GLI3: variants seen among roughly 807,000 people sequenced by gnomAD.
The protein encoded by GLI3 is transcription activator GLI3.
Under a neutral mutation model 100.8 loss-of-function variants are expected in GLI3, and 20 were observed. The ratio of observed to expected loss-of-function variants is 0.20; its 90% CI spans 0.14 to 0.29. GLI3 has a LOEUF of 0.29. Among genes scored for constraint, GLI3 ranks in the 10% least tolerant of loss-of-function variants. GLI3 has a pLI of 1.00. For missense variants in GLI3, 2,040 were observed against 2,128.5 expected (o/e 0.96, Z 0.82); for synonymous variants, 938 against 860.5 (o/e 1.09, Z -1.58).
At chr7:42,123,104 C>A (rs542628199) in intron 3 of GLI3, among the ~76,000 whole-genome samples, 1 of 152,174 alleles carries the variant, frequency 6.6e-6, no homozygotes, top group African/African-American at 2.4e-5. Flanking sequence ...ATTTCAAATG[C>A]GTATGTCTGA....
rs1562658195 is a variant in GLI3, at chr7:41,965,506, G to GC, written c.3566dup (p.Ala1190ArgfsTer57). Reference sequence around the variant, plus strand: ...CCATGCCGTTGCAGAACCCAAAGGCGCGAGTCTGCGGCACAGCGGGCCGCG... The same window carrying GC: ...CCATGCCGTTGCAGAACCCAAAGGCGCCGAGTCTGCGGCACAGCGGGCCGCG... On this transcript the variant is annotated frameshift_variant, in exon 15 of 15. Coordinates refer to ENST00000395925, the MANE Select transcript of GLI3 (RefSeq NM_000168.6). LOFTEE classifies it low-confidence loss of function (END_TRUNC). 1 of 1,607,424 alleles carries GC rather than the reference G, an allele frequency of 6.2e-7. No homozygotes were observed. Among genetic ancestry groups the GC allele is most frequent in the South Asian group, 1.1e-5 (1 of 90,978 alleles).
intron 3 of GLI3, among the ~76,000 whole-genome samples, chr7:42,095,003 TC>T (rs1274584087): frequency 6.6e-6 from 1 of 152,156 alleles, no homozygotes; most frequent in Non-Finnish European, 1.5e-5. Flanking sequence ...GAACCTCCTC[TC>T]CTTGAGGAAA....
chr7:42,247,553 G>A (rs1289803439), intron 1 of GLI3, among the ~76,000 whole-genome samples: 5 of 152,158 alleles, frequency 3.3e-5, no homozygotes, highest in East Asian at 1.9e-4. Flanking sequence ...TTCATTTTCC[G>A]GTCCACCACC....
intron 1 of GLI3, among the ~76,000 whole-genome samples, chr7:42,258,224 G>C (rs572181872): frequency 6.6e-6 from 1 of 152,234 alleles, no homozygotes; most frequent in Admixed American, 6.5e-5. Flanking sequence ...AGGATATCCA[G>C]GGCACCATTA....
intron 7 of GLI3, among the ~76,000 whole-genome samples, chr7:42,027,320 A>G (rs928814934): frequency 2.0e-5 from 3 of 152,212 alleles, no homozygotes. Context: ...TGAAAAACTA[A>G]TAATTGCATT....
intron 1 of GLI3, among the ~76,000 whole-genome samples, chr7:42,225,906 G>A (rs1229778555): frequency 6.6e-6 from 1 of 152,162 alleles, no homozygotes; most frequent in African/African-American, 2.4e-5. Context: ...TACTTTCCCA[G>A]CACTTAGTTC....
At chr7:42,177,658 A>G (rs1787507489) in intron 2 of GLI3, among the ~76,000 whole-genome samples, 1 of 152,196 alleles carries the variant, frequency 6.6e-6, no homozygotes, top group Admixed American at 6.5e-5. Context: ...AGCTTATTCA[A>G]AGGTTATGGG....
At chr7:42,159,934 G>C (rs908021774) in intron 2 of GLI3, among the ~76,000 whole-genome samples, 1 of 152,118 alleles carries the variant, frequency 6.6e-6, no homozygotes, top group African/African-American at 2.4e-5. Context: ...GGGTATTAAT[G>C]GCATCAACTG....
chr7:41,996,616 G>A (rs1221280319), intron 10 of GLI3, among the ~76,000 whole-genome samples: 1 of 152,164 alleles, frequency 6.6e-6, no homozygotes, highest in Non-Finnish European at 1.5e-5. Flanking sequence ...GAATCTGAGG[G>A]GGTATGGGGA....
At chr7:42,014,461 TA>T (rs1369267592) in intron 10 of GLI3, among the ~76,000 whole-genome samples, 2 of 151,554 alleles carry the variant, frequency 1.3e-5, no homozygotes, top group African/African-American at 4.9e-5. Flanking sequence ...TTTATTATAT[TA>T]GCTATAATCA....
intron 4 of GLI3, among the ~76,000 whole-genome samples, chr7:42,061,155 A>G (rs1460574400): frequency 6.6e-6 from 1 of 152,178 alleles, no homozygotes; most frequent in Non-Finnish European, 1.5e-5. Flanking sequence ...TTGGGTTCCA[A>G]CTATTTAATC....
At chr7:42,175,917 A>G (rs1443572773) in intron 2 of GLI3, among the ~76,000 whole-genome samples, 1 of 152,192 alleles carries the variant, frequency 6.6e-6, no homozygotes, top group Non-Finnish European at 1.5e-5. Flanking sequence ...AGAAGGTAAG[A>G]AACTTCCCTA....
chr7:42,263,408 A>G (rs1789165112), intron 1 of GLI3, among the ~76,000 whole-genome samples: 1 of 151,728 alleles, frequency 6.6e-6, no homozygotes, highest in South Asian at 2.1e-4. Context: ...GCACCTTTTG[A>G]TTTTTCAAGA....
At chr7:42,130,182 G>A (rs1786238649) in intron 3 of GLI3, among the ~76,000 whole-genome samples, 1 of 152,098 alleles carries the variant, frequency 6.6e-6, no homozygotes, top group Admixed American at 6.5e-5. Flanking sequence ...ATGTGGAGAA[G>A]CTCCACCCTA....
chr7:42,165,985 G>T (rs990344668), intron 2 of GLI3, among the ~76,000 whole-genome samples: 3 of 152,124 alleles, frequency 2.0e-5, no homozygotes. Flanking sequence ...TAAAAGTTAC[G>T]GTGTTCCGTA....
At position 42,117,895 on chromosome 7, in the gene GLI3, T is replaced by C. The variant is rs1203786926; in HGVS notation, c.367+30331A>G. ...TCCGTGGTCAGGGAGATGCTGGCCC[T>C]TGAGTAGCTGCCGCTGTCTCCATGG... On this transcript the variant is annotated intron_variant, in intron 3 of 14. Transcript: ENST00000395925. 2.6e-5 allele frequency among the ~76,000 whole-genome samples: 4 copies of C among 152,320 alleles called. No individual in the cohort carries two copies. The East Asian group carries it at 7.7e-4, about 29-fold the overall frequency.
chr7:42,227,393 TAGGTAAAAGG>T (rs1348075211), intron 1 of GLI3, among the ~76,000 whole-genome samples: 1 of 151,700 alleles, frequency 6.6e-6, no homozygotes, highest in Non-Finnish European at 1.5e-5. Context: ...TGAAGTTTCA[TAGGTAAAAGG>T]AGGGATAAAC....
intron 1 of GLI3, among the ~76,000 whole-genome samples, chr7:42,235,921 A>T (rs1788781249): frequency 2.0e-5 from 3 of 152,202 alleles, no homozygotes; most frequent in Admixed American, 1.3e-4. Context: ...GCCAGAATCT[A>T]CCCGGCAGTC....
At chr7:42,177,771 C>T (rs1234992396) in intron 2 of GLI3, among the ~76,000 whole-genome samples, 2 of 152,164 alleles carry the variant, frequency 1.3e-5, no homozygotes, top group East Asian at 1.9e-4. Context: ...ATGCAAACAA[C>T]AGTGTGCTCC....
Sources: gnomAD v4.1 joint callset for allele counts (sites outside exome capture counted in the v4.1 genomes callset) on GRCh38, gnomAD v4.1.1 for gene constraint, MANE v1.5 for transcripts, NCBI Gene and HGNC (gene_info 2026-07-23, HGNC 2026-07-21) for gene names.